The following SLC8A1 variants were observed in gnomAD, a reference collection of about 807,000 sequenced individuals.
SLC8A1 encodes the protein sodium/calcium exchanger 1.
In SLC8A1, 18 loss-of-function variants were observed where a neutral mutation model predicts 68.3. The ratio of observed to expected loss-of-function variants is 0.26; its 90% CI spans 0.18 to 0.39. The LOEUF is 0.39. Among genes scored for constraint, SLC8A1 ranks in the 10% least tolerant of loss-of-function variants. The probability of loss-of-function intolerance (pLI) is 1.00; values close to 1 mark genes in which losing one functional copy is unlikely to be tolerated. For missense variants in SLC8A1, 985 were observed against 1,156.7 expected, an observed-to-expected ratio of 0.85 and a Z score of 2.15; for synonymous variants, 475 against 415.5, an observed-to-expected ratio of 1.14 and a Z score of -1.74.
chr2:40,247,071 C>T (rs912473758), intron 2 of SLC8A1, among the ~76,000 whole-genome samples: 4 of 152,242 alleles, frequency 2.6e-5, no homozygotes, highest in African/African-American at 7.2e-5. Context: ...GAAAGGCCAG[C>T]ATATTTCTTA....
chr2:40,103,812 A>G (rs1004662845), exon 8 of SLC8A1: 2 of 152,198 alleles, frequency 1.3e-5, no homozygotes, highest in African/African-American at 4.8e-5. Context: ...TTCAAAATAA[A>G]TGTTTATATT....
chr2:40,335,195 C>CT (rs1056437756), intron 2 of SLC8A1, among the ~76,000 whole-genome samples: 14 of 152,164 alleles, frequency 9.2e-5, no homozygotes, highest in African/African-American at 2.9e-4. Flanking sequence ...AATTATCATA[C>CT]TACAACTGGC....
intron 1 of SLC8A1, among the ~76,000 whole-genome samples, chr2:40,509,739 A>T (rs1279033118): frequency 6.6e-6 from 1 of 151,916 alleles, no homozygotes; most frequent in African/African-American, 2.4e-5. Context: ...ATTATTTCAA[A>T]TTTTTTCATC....
At chr2:40,146,637 A>ACC (rs77139827) in intron 6 of SLC8A1, among the ~76,000 whole-genome samples, 2 of 151,584 alleles carry the variant, frequency 1.3e-5, no homozygotes, top group African/African-American at 4.9e-5. Context: ...GGGGGATGGG[A>ACC]GGCAGTGAAA....
At chr2:40,446,127 T>G (rs1197188457) in intron 1 of SLC8A1, among the ~76,000 whole-genome samples, 1 of 152,150 alleles carries the variant, frequency 6.6e-6, no homozygotes, top group Non-Finnish European at 1.5e-5. Flanking sequence ...GCTAAAGAGA[T>G]AAATAAAAAC....
intron 2 of SLC8A1, among the ~76,000 whole-genome samples, chr2:40,408,782 C>A (rs1576229167): frequency 6.6e-6 from 1 of 152,180 alleles, no homozygotes; most frequent in South Asian, 2.1e-4. Context: ...TTTAGTCATA[C>A]AAATTTATTA....
chr2:40,266,318 C>G (rs1465006328), intron 2 of SLC8A1, among the ~76,000 whole-genome samples: 1 of 152,102 alleles, frequency 6.6e-6, no homozygotes, highest in African/African-American at 2.4e-5. Flanking sequence ...ACAGTTTCAC[C>G]TAGGGTAAAG....
At chr2:40,505,889 G>C (rs1706337003) in intron 1 of SLC8A1, among the ~76,000 whole-genome samples, 1 of 151,932 alleles carries the variant, frequency 6.6e-6, no homozygotes, top group African/African-American at 2.4e-5. Flanking sequence ...AATTCCCTTA[G>C]ATAAATGACT....
chr2:40,366,153 G>A (rs370509737), intron 2 of SLC8A1, among the ~76,000 whole-genome samples: 2 of 151,938 alleles, frequency 1.3e-5, no homozygotes, highest in Non-Finnish European at 1.5e-5. Context: ...GGGATAATAA[G>A]AGCACCCACC....
chr2:40,311,385 A>C (rs1430661467), intron 2 of SLC8A1, among the ~76,000 whole-genome samples: 1 of 152,082 alleles, frequency 6.6e-6, no homozygotes, highest in African/African-American at 2.4e-5. Context: ...AAAAAAATTA[A>C]AAATAAATAA....
chr2:40,459,595 T>A (rs1703224518), intron 1 of SLC8A1, among the ~76,000 whole-genome samples: 1 of 152,206 alleles, frequency 6.6e-6, no homozygotes, highest in Non-Finnish European at 1.5e-5. Flanking sequence ...CCATTCCTTC[T>A]AAGGCACAGT....
At chr2:40,444,561 G>A (rs1053815490) in intron 1 of SLC8A1, among the ~76,000 whole-genome samples, 5 of 152,068 alleles carry the variant, frequency 3.3e-5, no homozygotes, top group African/African-American at 1.2e-4. Flanking sequence ...TTTCATTTGC[G>A]TCTCTCATAA....
At chr2:40,108,960 T>C (rs1481328449) in exon 8 of SLC8A1, 1 of 152,224 alleles carries the variant, frequency 6.6e-6, no homozygotes, top group Non-Finnish European at 1.5e-5. Flanking sequence ...TCTGAAAATC[T>C]CTGGGCAGGA....
chr2:40,356,459 A>C (rs890363229), intron 2 of SLC8A1, among the ~76,000 whole-genome samples: 1 of 152,204 alleles, frequency 6.6e-6, no homozygotes, highest in African/African-American at 2.4e-5. Flanking sequence ...AATCGCGTGA[A>C]TACTTCCAAA....
At chr2:40,494,679 ATATATC>A (rs1559770257) in intron 1 of SLC8A1, among the ~76,000 whole-genome samples, 1 of 125,150 alleles carries the variant, frequency 8.0e-6, no homozygotes, top group South Asian at 2.6e-4. Flanking sequence ...ATATATATAT[ATATATC>A]CAAATGGAAG....
chr2:40,449,361 A>G (rs55819551), intron 1 of SLC8A1, among the ~76,000 whole-genome samples: 4,267 of 152,290 alleles, frequency 0.028, 210 homozygotes, highest in African/African-American at 0.095. Context: ...AAGAGGAATC[A>G]TGTGTTTATT....
At chr2:40,217,667 G>A (rs541587566) in intron 2 of SLC8A1, among the ~76,000 whole-genome samples, 3 of 152,258 alleles carry the variant, frequency 2.0e-5, no homozygotes, top group South Asian at 4.1e-4. Flanking sequence ...CCTAGACAAT[G>A]AGTAGGAACC....
exon 8 of SLC8A1, chr2:40,103,504 G>T (rs1485498756): frequency 6.6e-6 from 1 of 152,056 alleles, no homozygotes; most frequent in Non-Finnish European, 1.5e-5. Flanking sequence ...ATATCTTTCT[G>T]CCTGGTCATT....
intron 2 of SLC8A1, among the ~76,000 whole-genome samples, chr2:40,351,521 A>C (rs1671076413): frequency 6.6e-6 from 1 of 151,990 alleles, no homozygotes; most frequent in Non-Finnish European, 1.5e-5. Flanking sequence ...CTAATCTCCA[A>C]ATCTAACATC....
Sources: gnomAD v4.1 joint callset for allele counts (sites outside exome capture counted in the v4.1 genomes callset) on GRCh38, gnomAD v4.1.1 for gene constraint, MANE v1.5 for transcripts, NCBI Gene and HGNC (gene_info 2026-07-23, HGNC 2026-07-21) for gene names.